Variants in PAPLN observed in about 807,000 individuals in gnomAD.
PAPLN encodes papilin, proteoglycan like sulfated glycoprotein.
In PAPLN, 146 loss-of-function variants were observed where a neutral mutation model predicts 159.0. The observed-to-expected ratio is 0.92, with a 90% CI of 0.80 to 1.05. The LOEUF is 1.05. Ranked by LOEUF, PAPLN falls within the 50% of genes least tolerant of loss-of-function variation. The pLI is 0.00. For synonymous variants in PAPLN, 734 were observed against 702.9 expected, an observed-to-expected ratio of 1.04 and a Z score of -0.70; for missense variants, 1,720 against 1,743.9, an observed-to-expected ratio of 0.99 and a Z score of 0.24.
rs1886247145 is a variant in PAPLN, at chr14:73,259,010, T to G, written c.1659T>G (p.Pro553=). The G allele has an allele frequency of 6.2e-7, 1 of 1,612,786 alleles. No homozygotes were observed. The highest frequency in any genetic ancestry group is 8.5e-7 in the Non-Finnish European group (1 of 1,179,472). The change falls in exon 15 of 27, where the codon CCT becomes CCG. Residue 553 remains proline, a synonymous_variant. Coordinates refer to ENST00000644200, the MANE Select transcript of PAPLN (RefSeq NM_001365906.3). ...CCAGCATGCAGGATGTGCACACCCC[T>G]GCCAGCAACCCCTGGATGCCGTTGG... is the stretch of plus-strand genomic sequence containing the variant. The part of the protein sequence containing the change: ...EVPSMQDVHT[P]ASNPWMPLGP...
upstream of PAPLN, chr14:73,237,398 C>G (rs1298420346): frequency 6.6e-6 from 1 of 152,324 alleles, no homozygotes; most frequent in African/African-American, 2.4e-5. Context: ...CTACGAAGGG[C>G]TCTGTCCTCC....
At chr14:73,263,860 C>A in intron 20 of PAPLN, 78 bp downstream of exon 20, 1 of 1,438,956 alleles carries the variant, frequency 6.9e-7, no homozygotes, top group Non-Finnish European at 9.4e-7. Context: ...TGTGACAGCT[C>A]CCCCACCTCC....
chr14:73,242,415 A>G (rs1883665291), intron 2 of PAPLN, among the ~76,000 whole-genome samples: 1 of 152,238 alleles, frequency 6.6e-6, no homozygotes, highest in Admixed American at 6.5e-5. Flanking sequence ...CAAGGAGCCA[A>G]GACAGACATC....
At chr14:73,251,907 C>T (rs1594797092) in intron 9 of PAPLN, 71 bp downstream of exon 9, 3 of 1,549,056 alleles carry the variant, frequency 1.9e-6, no homozygotes, top group African/African-American at 2.7e-5. Context: ...AAGCTCTGTA[C>T]ATGGGGGGTT....
At chr14:73,251,202 C>T (rs1416545449) in intron 7 of PAPLN, among the ~76,000 whole-genome samples, 172 bp downstream of exon 7, 10 of 152,170 alleles carry the variant, frequency 6.6e-5, no homozygotes, top group Non-Finnish European at 7.3e-5. Context: ...GGTTAGGACT[C>T]GTGCCCGCTC....
chr14:73,260,163 G>A (rs1886395782), intron 16 of PAPLN, among the ~76,000 whole-genome samples: 1 of 152,178 alleles, frequency 6.6e-6, no homozygotes, highest in African/African-American at 2.4e-5. Flanking sequence ...TCTGATTTTG[G>A]GTTCCTCTTC....
At chr14:73,261,334 C>T in intron 18 of PAPLN, 40 bp downstream of exon 18, 2 of 1,600,526 alleles carry the variant, frequency 1.2e-6, no homozygotes, top group Non-Finnish European at 1.7e-6. Flanking sequence ...GATGGGTAGA[C>T]TCTGCTCCCA....
chr14:73,263,678 G>A lies in PAPLN; in HGVS notation c.2757G>A (p.Val919=). 3 of 1,613,620 alleles carry A rather than the reference G, an allele frequency of 1.9e-6. No homozygotes were observed. The highest frequency in any genetic ancestry group is 1.1e-5 in the South Asian group (1 of 91,086). Residue 919 remains valine, a synonymous_variant, in exon 20 of 27, where the codon GTG becomes GTA. Transcript: ENST00000644200. ...ISLAGVEPSL[V]QAALGQLVRL... is the part of the protein sequence containing the mutation. ...TGGCAGGTGTGGAGCCCTCGTTGGT[G>A]CAGGCAGCCCTGGGGCAGTTGGTGC...
At chr14:73,244,297 CCCCTA>C (rs1175627198) in intron 2 of PAPLN, 1 of 202,420 alleles carries the variant, frequency 4.9e-6, no homozygotes, top group African/African-American at 2.4e-5. Context: ...AGGCCCCCCT[CCCCTA>C]CATCACGGTT....
chr14:73,253,899 C>G lies in PAPLN; in HGVS notation c.1240C>G (p.Pro414Ala). Reference sequence around the variant, plus strand: ...GTGTGCCGGGCTGCCTGGGAAGCCCCCTGCCATTCAGGCCTGTAACCTGCA... The same window carrying G: ...GTGTGCCGGGCTGCCTGGGAAGCCCGCTGCCATTCAGGCCTGTAACCTGCA... ...AECAGLPGKP[P>A]AIQACNLQRC... Residue 414 changes from proline to alanine, a missense_variant, in exon 12 of 27, where the codon CCT (proline) becomes GCT (alanine). Coordinates refer to ENST00000644200, the MANE Select transcript of PAPLN (RefSeq NM_001365906.3). 6.2e-7 allele frequency: 1 copy of G among 1,613,386 alleles called. No individual in the cohort carries two copies. Among genetic ancestry groups the G allele is most frequent in the Middle Eastern group, 1.7e-4 (1 of 6,054 alleles).
chr14:73,239,879 C>A, intron 2 of PAPLN, 47 bp downstream of exon 2: 4 of 1,516,808 alleles, frequency 2.6e-6, no homozygotes, highest in South Asian at 2.4e-5. Context: ...GCAGGGGAGT[C>A]GGGGGCGGGG....
intron 14 of PAPLN, among the ~76,000 whole-genome samples, chr14:73,256,913 TA>T: frequency 6.6e-6 from 1 of 151,980 alleles, no homozygotes; most frequent in African/African-American, 2.4e-5. Context: ...AAAAAAATAA[TA>T]AAATAAGTAA....
intron 5 of PAPLN, among the ~76,000 whole-genome samples, chr14:73,247,148 G>A (rs1297357363): frequency 1.3e-5 from 2 of 152,150 alleles, no homozygotes; most frequent in Non-Finnish European, 2.9e-5. Context: ...GGTGCCCCAC[G>A]GTCATCCTGC....
At chr14:73,251,358 C>T (rs554682023) in intron 7 of PAPLN, 128 bp from the exon 8 acceptor site, 5 of 1,063,138 alleles carry the variant, frequency 4.7e-6, no homozygotes, top group African/African-American at 3.2e-5. Context: ...CCCAGCAGCT[C>T]GGCCCTGTCT....
chr14:73,250,084 G>C lies in PAPLN; in HGVS notation c.435G>C (p.Lys145Asn), dbSNP rs562323548. Residue 145 changes from lysine (K) to asparagine (N), a missense_variant, in exon 6 of 27, where the codon AAG becomes AAC. Lys to Asn is a moderately conservative substitution (Grantham distance 94, BLOSUM62 0). Transcript: ENST00000644200. ...VVDGTPCEPG[K>N]RDVCVDGSCR... ...ATGGGACGCCCTGCGAGCCTGGCAAGAGGGATGTCTGTGTGGATGGCAGCT... is the reference window on the plus strand; with the variant it reads ...ATGGGACGCCCTGCGAGCCTGGCAACAGGGATGTCTGTGTGGATGGCAGCT... 6.3e-5 allele frequency: 101 copies of C among 1,612,084 alleles called. No homozygotes were observed. Among genetic ancestry groups the C allele is most frequent in the Non-Finnish European group, 8.3e-5 (98 of 1,179,216 alleles).
intron 14 of PAPLN, among the ~76,000 whole-genome samples, chr14:73,257,743 T>C (rs1886077652): frequency 6.9e-6 from 1 of 145,828 alleles, no homozygotes; most frequent in Admixed American, 7.1e-5. Flanking sequence ...CATTATCTAG[T>C]CTCTTTCTTC....
intron 26 of PAPLN, 24 bp from the exon 27 acceptor site, chr14:73,272,471 T>C (rs1594842912): frequency 4.0e-6 from 6 of 1,490,868 alleles, no homozygotes; most frequent in East Asian, 4.7e-5. Context: ...CTCACCACCT[T>C]CTCTCTCCCC....
rs1214579735 is a variant in PAPLN at position 73,254,870 on chromosome 14, G to A, written c.1486-7G>A. 1 of 1,610,502 alleles carries A rather than the reference G, an allele frequency of 6.2e-7. No homozygotes were observed. The highest frequency in any genetic ancestry group is 1.7e-5 in the Admixed American group (1 of 59,996). On this transcript the variant is annotated splice_polypyrimidine_tract_variant and splice_region_variant and intron_variant, in intron 13 of 26. Transcript: ENST00000644200. ...GCATCTCTCTCTCTCCCACTCGTGG[G>A]CCTCAGTGCTCCAAGAGCTGCAGCT... is the stretch of plus-strand genomic sequence containing the variant.
In PAPLN at chr14:73,252,635, G is replaced by A. The variant is rs1885417401; in HGVS notation, c.968-14G>A. The A allele has an allele frequency of 6.2e-7, 1 of 1,610,326 alleles. No individual in the cohort carries two copies. Among genetic ancestry groups the A allele is most frequent in the South Asian group, 1.1e-5 (1 of 90,930 alleles). On this transcript the variant is annotated splice_polypyrimidine_tract_variant and intron_variant, in intron 10 of 26. Coordinates refer to ENST00000644200, the MANE Select transcript of PAPLN (RefSeq NM_001365906.3). The stretch of plus-strand genomic sequence containing the variant: ...TGACTGGCGTCTGCCCGCCATGGCT[G>A]GGCCTCTGCGCAGGTCACCAGTCCC...
Sources: allele counts gnomAD v4.1 joint callset (sites outside exome capture counted in the v4.1 genomes callset), GRCh38; gene constraint gnomAD v4.1.1; transcripts MANE v1.5; gene names NCBI Gene and HGNC (gene_info 2026-07-23, HGNC 2026-07-21).